ZNF506: variants seen among roughly 807,000 people sequenced by gnomAD.
The protein encoded by ZNF506 is zinc finger protein 506.
ZNF506 carries 10 observed loss-of-function variants against 11.6 expected under a neutral mutation model. The observed-to-expected ratio is 0.86, with a 90% CI of 0.53 to 1.46. ZNF506 has a LOEUF of 1.46. Among genes scored for constraint, ZNF506 ranks in the 40% most tolerant of loss-of-function variants. The probability of loss-of-function intolerance (pLI) is 0.00; values close to 1 mark genes in which losing one functional copy is unlikely to be tolerated. For synonymous variants in ZNF506, 156 were observed against 173.3 expected (o/e 0.90, Z 0.78); for missense variants, 425 against 521.2 (o/e 0.82, Z 1.80).
intron 1 of ZNF506, among the ~76,000 whole-genome samples, chr19:19,816,126 T>A (rs1193103646): frequency 6.7e-6 from 1 of 150,230 alleles, no homozygotes; most frequent in East Asian, 1.9e-4. Flanking sequence ...TCTTTCTCAT[T>A]AAAAAAAAAT....
intron 1 of ZNF506, among the ~76,000 whole-genome samples, chr19:19,813,102 G>A (rs1289381597): frequency 2.6e-5 from 4 of 152,162 alleles, no homozygotes; most frequent in Non-Finnish European, 5.9e-5. Flanking sequence ...AAAGAGCTAT[G>A]TTGGTGGTGT....
chr19:19,797,743 G>A (rs2062755357), intron 3 of ZNF506: 1 of 152,040 alleles, frequency 6.6e-6, no homozygotes. Flanking sequence ...AATTTTGGGA[G>A]CTGCAAGATA....
At chr19:19,819,205 G>T (rs1478477551) in intron 1 of ZNF506, among the ~76,000 whole-genome samples, 2 of 151,742 alleles carry the variant, frequency 1.3e-5, no homozygotes, top group African/African-American at 4.8e-5. Context: ...TTTGTCTTTT[G>T]AAGTGTTTTT....
At chr19:19,816,837 T>TTTTTTTG (rs2062936490) in intron 1 of ZNF506, among the ~76,000 whole-genome samples, 3 of 110,392 alleles carry the variant, frequency 2.7e-5, no homozygotes, top group Non-Finnish European at 1.9e-5. Flanking sequence ...TTTTTTTTTT[T>TTTTTTTG]GAGGGGAGTT....
chr19:19,817,426 T>G (rs554085240), intron 1 of ZNF506, among the ~76,000 whole-genome samples: 108 of 124,298 alleles, frequency 8.7e-4, no homozygotes, highest in Admixed American at 2.1e-3. Context: ...TTTTTTTACG[T>G]AAATCTGATT....
intron 1 of ZNF506, among the ~76,000 whole-genome samples, chr19:19,811,401 G>A (rs1000627335): frequency 5.3e-5 from 8 of 152,060 alleles, no homozygotes; most frequent in African/African-American, 1.4e-4. Context: ...CTCATGATTC[G>A]CCTGCCTTGA....
chr19:19,815,270 C>CAAAACA (rs1214469610), intron 1 of ZNF506, among the ~76,000 whole-genome samples: 2 of 152,028 alleles, frequency 1.3e-5, no homozygotes, highest in Non-Finnish European at 2.9e-5. Context: ...AAAAACAAAA[C>CAAAACA]AAAACAAAAA....
At chr19:19,812,997 C>T (rs1490889983) in intron 1 of ZNF506, among the ~76,000 whole-genome samples, 1 of 152,204 alleles carries the variant, frequency 6.6e-6, no homozygotes, top group Non-Finnish European at 1.5e-5. Context: ...TATTTAAATA[C>T]ATCTGACAAC....
chr19:19,821,682 G>C lies in ZNF506; in HGVS notation c.-79C>G. 1 of 1,558,776 alleles carries C rather than the reference G, an allele frequency of 6.4e-7. No individual in the cohort carries two copies. The highest frequency in any genetic ancestry group is 1.1e-5 in the South Asian group (1 of 90,002). ...CAGGTCACAGGGCCACAGAGGCTGG[G>C]CCTCTAGGAGCTGACGGCACAGAGC... On this transcript the variant is annotated 5_prime_UTR_variant, in exon 1 of 4. Coordinates refer to ENST00000540806, the MANE Select transcript of ZNF506 (RefSeq NM_001099269.3).
At position 19,795,388 on chromosome 19, in the gene ZNF506, CTCTTA is replaced by C. The variant is rs576315103; in HGVS notation, c.494_498del (p.Ile165ArgfsTer8). Reference sequence around the variant, plus strand: ...CATTTAAAAGATTTTTTTCCAGTATCTCTTATCTTATGTTTGTTTGAATTTGAAAA... The same window carrying C: ...CATTTAAAAGATTTTTTTCCAGTATCTCTTATGTTTGTTTGAATTTGAAAA... On this transcript the variant is annotated frameshift_variant, in exon 4 of 4. Coordinates refer to ENST00000540806, the MANE Select transcript of ZNF506 (RefSeq NM_001099269.3). LOFTEE classifies it low-confidence loss of function (END_TRUNC). 9.6e-4 allele frequency: 1,536 copies of C among 1,604,372 alleles called. No homozygotes were observed. The highest frequency in any genetic ancestry group is 1.1e-3 in the Non-Finnish European group (1,308 of 1,175,998).
At chr19:19,799,329 C>G in intron 3 of ZNF506, 1 of 485,600 alleles carries the variant, frequency 2.1e-6, no homozygotes, top group South Asian at 3.7e-5. Context: ...AGTAAGGGAA[C>G]AGAGGACTAG....
At position 19,795,548 on chromosome 19, in the gene ZNF506, T is replaced by A. The variant is rs1337237329; in HGVS notation, c.339A>T (p.Leu113Phe). Residue 113 changes from leucine to phenylalanine, a missense_variant, in exon 4 of 4, where the codon TTA becomes TTT. Around this residue, in one of 3 missense-constraint regions of ZNF506, gnomAD observed 226 missense variants for 279.1 expected, o/e 0.81. Transcript: ENST00000540806. ...YEKCRHDNLQ[L>F]KKGCESVDEC... The stretch of plus-strand genomic sequence containing the variant: ...CATCTACACTTTCACAGCCTTTTTT[T>A]AACTGTAAATTGTCATGTCTACATT... The A allele has an allele frequency of 1.9e-6, 3 of 1,596,900 alleles. No homozygotes were observed. The highest frequency in any genetic ancestry group is 1.7e-6 in the Non-Finnish European group (2 of 1,174,786).
At chr19:19,814,823 T>A (rs1161935675) in intron 1 of ZNF506, among the ~76,000 whole-genome samples, 2 of 152,046 alleles carry the variant, frequency 1.3e-5, no homozygotes, top group Non-Finnish European at 2.9e-5. Flanking sequence ...TGCAGGCAGG[T>A]GAGATTATGA....
chr19:19,807,592 C>T (rs1044336077), intron 1 of ZNF506, among the ~76,000 whole-genome samples: 7 of 151,986 alleles, frequency 4.6e-5, no homozygotes. Context: ...CTGGAAACAC[C>T]GCCTCCTGGG....
chr19:19,806,794 T>C, intron 2 of ZNF506, 148 bp downstream of exon 2: 8 of 1,020,990 alleles, frequency 7.8e-6, no homozygotes, highest in Non-Finnish European at 1.1e-5. Flanking sequence ...AATTCTTTTC[T>C]AAATGAAAAA....
Position 19,807,191 on chromosome 19 carries a change from TAAAATGATTTTCAACACAGA to T in ZNF506, c.4-143_4-124del, listed in dbSNP as rs2062842447. ...GACTTATAGGACTAAAATTATCCAA[TAAAATGATTTTCAACACAGA>T]AATATTCTCTAATGTATTCTCTAAC... On this transcript the variant is annotated intron_variant, in intron 1 of 3. Transcript: ENST00000540806. The T allele has an allele frequency of 4.1e-6, 6 of 1,478,148 alleles. No individual in the cohort carries two copies. The South Asian group carries it at 6.5e-5, about 16-fold the overall frequency. The allele number at this position is 1,478,148 out of a possible 1,614,324, so 91.6% of individuals were successfully genotyped here. A position where few individuals can be genotyped will look rare whatever the true frequency, so the allele number is the denominator to read the frequency against.
chr19:19,795,393 AT>A lies in ZNF506; in HGVS notation c.493del (p.Ile165Ter). On this transcript the variant is annotated frameshift_variant, in exon 4 of 4. Transcript: ENST00000540806. LOFTEE classifies it low-confidence loss of function (END_TRUNC). ...AAAAGATTTTTTTCCAGTATCTCTT[AT>A]CTTATGTTTGTTTGAATTTGAAAAT... ...HKFSNSNKHK[I>X]RDTGKKSFKC... 4 of 1,592,520 alleles carry A rather than the reference AT, an allele frequency of 2.5e-6. No individual in the cohort carries two copies. Among genetic ancestry groups the A allele is most frequent in the Non-Finnish European group, 3.4e-6 (4 of 1,171,394 alleles).
At position 19,795,373 on chromosome 19, in the gene ZNF506, AT is replaced by A. The variant is rs1232032560; in HGVS notation, c.513del (p.Lys171AsnfsTer6). On this transcript the variant is annotated frameshift_variant, in exon 4 of 4. Coordinates refer to ENST00000540806, the MANE Select transcript of ZNF506 (RefSeq NM_001099269.3). LOFTEE classifies it low-confidence loss of function (END_TRUNC). ...TTCCCATATTCTATACATTTAAAAG[AT>A]TTTTTTCCAGTATCTCTTATCTTAT... is the stretch of plus-strand genomic sequence containing the variant. ...NKHKIRDTGK[K>X]SFKCIEYGKT... is the part of the protein sequence containing the mutation. 1.9e-6 allele frequency: 3 copies of A among 1,607,964 alleles called. No individual in the cohort carries two copies. Among genetic ancestry groups the A allele is most frequent in the Non-Finnish European group, 2.5e-6 (3 of 1,176,968 alleles).
intron 1 of ZNF506, among the ~76,000 whole-genome samples, chr19:19,809,901 A>C (rs2062871105): frequency 1.3e-5 from 2 of 152,126 alleles, no homozygotes; most frequent in African/African-American, 4.8e-5. Flanking sequence ...CATATGAGGC[A>C]CTTCATTAAA....
Sources: allele counts gnomAD v4.1 joint callset (sites outside exome capture counted in the v4.1 genomes callset), GRCh38; gene constraint gnomAD v4.1.1; regional missense constraint gnomAD v4.1.1; transcripts MANE v1.5; gene names NCBI Gene and HGNC (gene_info 2026-07-23, HGNC 2026-07-21).